The following SLC16A9 variants were observed in gnomAD, a reference collection of about 807,000 sequenced individuals.
The protein encoded by SLC16A9 is monocarboxylate transporter 9.
A neutral mutation model predicts 44.3 loss-of-function variants in SLC16A9; 26 were observed. The observed-to-expected ratio is 0.59, with a 90% CI of 0.43 to 0.81. SLC16A9 has a LOEUF of 0.81. SLC16A9 is among the 40% of genes least tolerant of loss of function. SLC16A9 has a pLI of 0.00. For synonymous variants in SLC16A9, 230 were observed against 225.1 expected (o/e 1.02, Z -0.19); for missense variants, 559 against 595.8 (o/e 0.94, Z 0.64).
chr10:59,695,903 A>C lies in SLC16A9; in HGVS notation c.-36-11576T>G, dbSNP rs145366797. On this transcript the variant is annotated intron_variant, in intron 1 of 5. Transcript: ENST00000395348. Reference sequence around the variant, plus strand: ...AAGCAAGTTAACAATTTTTTCAATTACTTCCTAGCTTTCCTTTATTCTTTA... The same window carrying C: ...AAGCAAGTTAACAATTTTTTCAATTCCTTCCTAGCTTTCCTTTATTCTTTA... 3.7e-3 allele frequency among the ~76,000 whole-genome samples: 567 copies of C among 152,230 alleles called. 4 individuals are homozygous for C. The highest frequency in any genetic ancestry group is 0.017 in the Middle Eastern group (5 of 294).
intron 2 of SLC16A9, among the ~76,000 whole-genome samples, chr10:59,679,599 A>AG (rs1839943145): frequency 6.6e-6 from 1 of 152,250 alleles, no homozygotes; most frequent in Admixed American, 6.5e-5. Context: ...TAGATTTTCT[A>AG]GGATAAGCTA....
chr10:59,680,211 A>G (rs1339965378), intron 2 of SLC16A9, among the ~76,000 whole-genome samples: 1 of 152,234 alleles, frequency 6.6e-6, no homozygotes, highest in African/African-American at 2.4e-5. Flanking sequence ...AAGGGGAAGA[A>G]GTATTTTCTT....
At chr10:59,653,300 C>A (rs1443207861) in intron 5 of SLC16A9, among the ~76,000 whole-genome samples, 1 of 151,468 alleles carries the variant, frequency 6.6e-6, no homozygotes, top group Admixed American at 6.6e-5. Context: ...GTGGCAGGTG[C>A]CTTTAGTCCC....
At chr10:59,680,393 A>G (rs750707865) in intron 2 of SLC16A9, among the ~76,000 whole-genome samples, 1 of 152,192 alleles carries the variant, frequency 6.6e-6, no homozygotes, top group East Asian at 1.9e-4. Flanking sequence ...GCTTAGGCAC[A>G]ATCTTGGCAA....
chr10:59,706,458 A>ATT, intron 1 of SLC16A9, among the ~76,000 whole-genome samples: 1 of 152,282 alleles, frequency 6.6e-6, no homozygotes, highest in East Asian at 1.9e-4. Flanking sequence ...TCCTCAGAAA[A>ATT]ATTAAAAATG....
intron 4 of SLC16A9, among the ~76,000 whole-genome samples, chr10:59,658,991 T>C (rs1839411247): frequency 6.6e-6 from 1 of 152,156 alleles, no homozygotes. Context: ...GCAAGAAGCA[T>C]ATGTAAATTT....
intron 4 of SLC16A9, among the ~76,000 whole-genome samples, chr10:59,662,013 A>T (rs191641710): frequency 4.7e-4 from 72 of 152,322 alleles, no homozygotes; most frequent in African/African-American, 1.6e-3. Context: ...TAAATATAAG[A>T]CCTAAAACCA....
intron 3 of SLC16A9, 129 bp downstream of exon 3, chr10:59,672,641 T>C (rs931107649): frequency 5.3e-6 from 5 of 946,836 alleles, no homozygotes; most frequent in Non-Finnish European, 7.7e-6. Flanking sequence ...TTTGGAGAAG[T>C]GGTTATTGAA....
At position 59,691,230 on chromosome 10, in the gene SLC16A9, A is replaced by G. The variant is rs546996113; in HGVS notation, c.-36-6903T>C. On this transcript the variant is annotated intron_variant, in intron 1 of 5. Transcript: ENST00000395348. ...ATGAAAATGTGTTTCTAAGAAATAG[A>G]TATTGTACTACATTCTAGTAAACTA... Among the ~76,000 whole-genome samples the G allele has an allele frequency of 4.6e-5, 7 of 152,284 alleles. No homozygotes were observed. The East Asian group carries it at 1.2e-3, about 25-fold the overall frequency.
rs1003583762 is a variant in SLC16A9, at chr10:59,684,362, T to C, written c.-36-35A>G. 12 of 1,326,164 alleles carry C rather than the reference T, an allele frequency of 9.0e-6. No individual in the cohort carries two copies. The African/African-American group carries it at 1.8e-4, about 19-fold the overall frequency. The allele number at this position is 1,326,164 out of a possible 1,614,324, so 82.1% of individuals were successfully genotyped here. A position where few individuals can be genotyped will look rare whatever the true frequency, so the allele number is the denominator to read the frequency against. On this transcript the variant is annotated intron_variant, in intron 1 of 5. Coordinates refer to ENST00000395348, the MANE Select transcript of SLC16A9 (RefSeq NM_194298.3). ...AACAAACAGAAAAGAGAATCTTATT[T>C]AGAGTGTGGTAGGGCACAGCGCTTG...
chr10:59,682,047 G>A (rs1840037711), intron 2 of SLC16A9, among the ~76,000 whole-genome samples: 1 of 151,956 alleles, frequency 6.6e-6, no homozygotes, highest in Non-Finnish European at 1.5e-5. Context: ...AGTGGACCTA[G>A]AGAGGTTAAG....
chr10:59,672,972 A>G, intron 2 of SLC16A9, 59 bp from the exon 3 acceptor site: 1 of 1,511,164 alleles, frequency 6.6e-7, no homozygotes, highest in Non-Finnish European at 8.9e-7. Context: ...CATAAGTTCA[A>G]AATGATTCTT....
intron 1 of SLC16A9, among the ~76,000 whole-genome samples, chr10:59,705,391 G>A (rs1182491145): frequency 6.6e-6 from 1 of 152,034 alleles, no homozygotes; most frequent in Non-Finnish European, 1.5e-5. Context: ...AGACTCTGGG[G>A]GTAGACTCCT....
At chr10:59,684,411 G>C in intron 1 of SLC16A9, 84 bp from the exon 2 acceptor site, 2 of 547,012 alleles carry the variant, frequency 3.7e-6, no homozygotes, top group Admixed American at 4.0e-5. Context: ...TCCTCCTAAA[G>C]TGAAAAAAAA....
intron 4 of SLC16A9, among the ~76,000 whole-genome samples, chr10:59,655,320 A>C (rs1839326289): frequency 1.3e-5 from 2 of 152,116 alleles, no homozygotes; most frequent in South Asian, 4.1e-4. Flanking sequence ...AAAAAACCCA[A>C]AAACCAAGTA....
In SLC16A9 at chr10:59,681,590, ATATG is replaced by A. The variant is rs376681636; in HGVS notation, c.196+2502_196+2505del. On this transcript the variant is annotated intron_variant, in intron 2 of 5. Coordinates refer to ENST00000395348, the MANE Select transcript of SLC16A9 (RefSeq NM_194298.3). ...TATATGTATATGTGTATGTGTATGT[ATATG>A]TATATGTATATGTATATGTATATGT... 3.2e-3 allele frequency among the ~76,000 whole-genome samples: 19 copies of A among 5,876 alleles called. 1 individual carries two copies. Among genetic ancestry groups the A allele is most frequent in the African/African-American group, 5.1e-3 (19 of 3,758 alleles). 3.9% of individuals were successfully genotyped at this position (5,876 alleles called of 152,430 possible).
At chr10:59,656,903 T>C (rs1839361557) in intron 4 of SLC16A9, among the ~76,000 whole-genome samples, 1 of 152,182 alleles carries the variant, frequency 6.6e-6, no homozygotes, top group African/African-American at 2.4e-5. Flanking sequence ...TATACATTAT[T>C]ACAAAGAGAG....
chr10:59,699,474 G>C (rs1840473521), intron 1 of SLC16A9, among the ~76,000 whole-genome samples: 1 of 152,142 alleles, frequency 6.6e-6, no homozygotes, highest in Non-Finnish European at 1.5e-5. Context: ...TGGTGTCTTG[G>C]ATAACCCGAG....
chr10:59,653,263 A>C (rs138290427), intron 5 of SLC16A9, among the ~76,000 whole-genome samples: 1,806 of 150,242 alleles, frequency 0.012, 120 homozygotes, highest in Admixed American at 0.11. Context: ...ACTAAACAAC[A>C]ACAACAAAAA....
Sources: allele counts gnomAD v4.1 joint callset (sites outside exome capture counted in the v4.1 genomes callset), GRCh38; gene constraint gnomAD v4.1.1; transcripts MANE v1.5; gene names NCBI Gene and HGNC (gene_info 2026-07-23, HGNC 2026-07-21).